NKAIN3: variants seen among roughly 807,000 people sequenced by gnomAD.
The protein encoded by NKAIN3 is sodium/potassium-transporting ATPase subunit beta-1-interacting protein 3.
NKAIN3 carries 25 observed loss-of-function variants against 30.2 expected under a neutral mutation model. The ratio of observed to expected loss-of-function variants is 0.83; its 90% CI spans 0.60 to 1.16. NKAIN3 has a LOEUF of 1.16. Among genes scored for constraint, NKAIN3 ranks in the 50% most tolerant of loss-of-function variants. NKAIN3 has a pLI of 0.00. For synonymous variants in NKAIN3, 91 were observed against 89.6 expected, an observed-to-expected ratio of 1.02 and a Z score of -0.09; for missense variants, 225 against 254.1, an observed-to-expected ratio of 0.89 and a Z score of 0.78.
intron 1 of NKAIN3, among the ~76,000 whole-genome samples, chr8:62,249,954 G>A (rs906410224): frequency 1.3e-5 from 2 of 152,202 alleles, no homozygotes; most frequent in Non-Finnish European, 2.9e-5. Context: ...GGTCACTTGA[G>A]GTCAAGGCCA....
chr8:62,301,453 C>G (rs1311745473), intron 1 of NKAIN3, among the ~76,000 whole-genome samples: 1 of 152,018 alleles, frequency 6.6e-6, no homozygotes, highest in African/African-American at 2.4e-5. Context: ...TACAAAACAA[C>G]TGGACTGGTT....
At chr8:62,310,628 A>C (rs1213832384) in intron 1 of NKAIN3, among the ~76,000 whole-genome samples, 2 of 150,382 alleles carry the variant, frequency 1.3e-5, no homozygotes, top group Non-Finnish European at 2.9e-5. Context: ...AAGTGTAAAT[A>C]AAGTAAAAGT....
At chr8:62,855,206 C>T (rs966166205) in intron 4 of NKAIN3, 1 of 340,772 alleles carries the variant, frequency 2.9e-6, no homozygotes, top group Non-Finnish European at 5.6e-6. Context: ...ATTGGGCAGA[C>T]TCTTCCTAGC....
At chr8:62,528,089 C>T (rs889250722) in intron 1 of NKAIN3, among the ~76,000 whole-genome samples, 9 of 150,816 alleles carry the variant, frequency 6.0e-5, no homozygotes, top group African/African-American at 2.2e-4. Flanking sequence ...ATCCCTGATT[C>T]CCACACTTCC....
At chr8:62,931,244 A>G (rs1000087001) in intron 5 of NKAIN3, among the ~76,000 whole-genome samples, 2 of 152,244 alleles carry the variant, frequency 1.3e-5, no homozygotes, top group African/African-American at 2.4e-5. Flanking sequence ...TCAAGTTTTT[A>G]TAACATTACA....
At chr8:62,529,835 G>A (rs1421958992) in intron 1 of NKAIN3, among the ~76,000 whole-genome samples, 3 of 152,116 alleles carry the variant, frequency 2.0e-5, no homozygotes, top group Non-Finnish European at 2.9e-5. Context: ...AAGAAAATGA[G>A]CACTCGAGGT....
At chr8:62,375,678 A>G (rs1475348509) in intron 1 of NKAIN3, among the ~76,000 whole-genome samples, 2 of 152,208 alleles carry the variant, frequency 1.3e-5, no homozygotes, top group Admixed American at 6.5e-5. Flanking sequence ...TATGCTCAGA[A>G]CACAACCTAC....
chr8:62,550,811 G>A (rs1195062972), intron 1 of NKAIN3, among the ~76,000 whole-genome samples: 1 of 152,140 alleles, frequency 6.6e-6, no homozygotes, highest in East Asian at 1.9e-4. Context: ...AAGAAGAAGA[G>A]TTCAGATATG....
chr8:62,882,894 G>T (rs189864959), intron 4 of NKAIN3, among the ~76,000 whole-genome samples: 46 of 152,080 alleles, frequency 3.0e-4, no homozygotes, highest in Admixed American at 6.5e-4. Flanking sequence ...TCTCTATTCT[G>T]TTCCATTGAG....
chr8:62,442,226 G>A (rs1024347803), intron 1 of NKAIN3, among the ~76,000 whole-genome samples: 3 of 151,830 alleles, frequency 2.0e-5, no homozygotes, highest in African/African-American at 7.3e-5. Flanking sequence ...AACTATCAGA[G>A]CCTTGTACTA....
chr8:62,331,937 G>A (rs1815371997), intron 1 of NKAIN3, among the ~76,000 whole-genome samples: 1 of 151,966 alleles, frequency 6.6e-6, no homozygotes, highest in African/African-American at 2.4e-5. Context: ...GAAGTCTGGG[G>A]GACATCCCCA....
intron 3 of NKAIN3, among the ~76,000 whole-genome samples, chr8:62,667,357 ATC>A (rs58390604): frequency 0.26 from 24,230 of 93,780 alleles, 2,687 homozygotes; most frequent in East Asian, 0.5. Context: ...TTATATATAT[ATC>A]TGTATATATA....
At chr8:62,255,582 G>A (rs1455041236) in intron 1 of NKAIN3, among the ~76,000 whole-genome samples, 2 of 152,204 alleles carry the variant, frequency 1.3e-5, no homozygotes, top group Non-Finnish European at 2.9e-5. Flanking sequence ...CTAGTCTGGA[G>A]TATGTTTTAA....
At chr8:62,925,158 T>G (rs1199621042) in intron 5 of NKAIN3, among the ~76,000 whole-genome samples, 1 of 152,186 alleles carries the variant, frequency 6.6e-6, no homozygotes, top group Non-Finnish European at 1.5e-5. Context: ...CTCAACTTAC[T>G]TTTTAATTAA....
chr8:62,639,386 T>G (rs1251148931), intron 3 of NKAIN3, among the ~76,000 whole-genome samples: 1 of 152,028 alleles, frequency 6.6e-6, no homozygotes, highest in African/African-American at 2.4e-5. Flanking sequence ...CCCATGTGGC[T>G]AGAGAGACAG....
intron 1 of NKAIN3, among the ~76,000 whole-genome samples, chr8:62,366,835 A>C (rs1403343108): frequency 1.3e-5 from 2 of 152,188 alleles, no homozygotes; most frequent in Admixed American, 1.3e-4. Flanking sequence ...TTATAGCTAC[A>C]AACCGCCCTC....
At chr8:62,864,951 G>A (rs2130792966) in intron 4 of NKAIN3, among the ~76,000 whole-genome samples, 1 of 152,246 alleles carries the variant, frequency 6.6e-6, no homozygotes. Context: ...CATTTGAGCT[G>A]GCAATGGGCG....
chr8:62,506,293 C>T (rs1807636063), intron 1 of NKAIN3, among the ~76,000 whole-genome samples: 1 of 150,770 alleles, frequency 6.6e-6, no homozygotes, highest in African/African-American at 2.4e-5. Flanking sequence ...ATAATAGAGA[C>T]TACGAATTCC....
At chr8:62,428,839 T>A (rs939773954) in intron 1 of NKAIN3, among the ~76,000 whole-genome samples, 6 of 151,894 alleles carry the variant, frequency 4.0e-5, no homozygotes, top group Non-Finnish European at 7.4e-5. Flanking sequence ...TGATGAAATC[T>A]TGTTTGTCAA....
Sources: gnomAD v4.1 joint callset for allele counts (sites outside exome capture counted in the v4.1 genomes callset) on GRCh38, gnomAD v4.1.1 for gene constraint, MANE v1.5 for transcripts, NCBI Gene and HGNC (gene_info 2026-07-23, HGNC 2026-07-21) for gene names.